The following FAM135B variants were observed in gnomAD, a reference collection of about 807,000 sequenced individuals.
FAM135B encodes the protein protein FAM135B.
Under a neutral mutation model 127.7 loss-of-function variants are expected in FAM135B, and 43 were observed. The ratio of observed to expected loss-of-function variants is 0.34; its 90% CI spans 0.26 to 0.43. The LOEUF (loss-of-function observed/expected upper bound fraction) is 0.43. FAM135B is among the 20% of genes least tolerant of loss of function. The pLI, the probability that FAM135B is intolerant of heterozygous loss-of-function variation, is 1.00. For missense variants in FAM135B, 1,558 were observed against 1,725.6 expected (o/e 0.90, Z 1.72); for synonymous variants, 670 against 665.1 (o/e 1.01, Z -0.11).
intron 2 of FAM135B, chr8:138,358,635 T>A (rs1830230551): frequency 6.6e-6 from 1 of 152,174 alleles, no homozygotes; most frequent in African/African-American, 2.4e-5. Flanking sequence ...AATAATAGAA[T>A]AAATGAAATT....
At chr8:138,367,340 C>T (rs775250001) in intron 2 of FAM135B, 8 of 454,748 alleles carry the variant, frequency 1.8e-5, no homozygotes, top group Non-Finnish European at 3.5e-5. Context: ...TACAATGAGC[C>T]TTGGAGGTAA....
chr8:138,436,611 G>A (rs1333725035), intron 1 of FAM135B, among the ~76,000 whole-genome samples: 2 of 152,144 alleles, frequency 1.3e-5, no homozygotes, highest in Admixed American at 6.6e-5. Context: ...ATGTGTTCAC[G>A]TTGAACAGAA....
Position 138,495,812 on chromosome 8 carries a change from C to T in FAM135B, c.-20+859G>A, listed in dbSNP as rs1815369488. ...TCGGCTTTGACACATCACTTAACAT[C>T]AAGAGCATCATAACCTGATGGAAAA... On this transcript the variant is annotated intron_variant, in intron 1 of 19. Coordinates refer to ENST00000395297, the MANE Select transcript of FAM135B (RefSeq NM_015912.4). 1.3e-5 allele frequency among the ~76,000 whole-genome samples: 2 copies of T among 152,160 alleles called. 1 individual carries two copies. The highest frequency in any genetic ancestry group is 4.1e-4 in the South Asian group (2 of 4,822).
At chr8:138,162,010 A>G (rs954089427) in intron 12 of FAM135B, among the ~76,000 whole-genome samples, 29 of 152,174 alleles carry the variant, frequency 1.9e-4, no homozygotes, top group Admixed American at 1.1e-3. Context: ...TAATAAGCTC[A>G]TTATTGTTTG....
At chr8:138,239,658 C>G (rs1418349934) in intron 7 of FAM135B, among the ~76,000 whole-genome samples, 2 of 152,116 alleles carry the variant, frequency 1.3e-5, no homozygotes, top group African/African-American at 2.4e-5. Flanking sequence ...GGTATATACC[C>G]AAAGGATTAT....
intron 1 of FAM135B, among the ~76,000 whole-genome samples, chr8:138,442,041 C>T (rs1250400191): frequency 6.6e-6 from 1 of 151,370 alleles, no homozygotes; most frequent in African/African-American, 2.4e-5. Context: ...TTCTGTAAGT[C>T]CTTATGCAGC....
intron 2 of FAM135B, among the ~76,000 whole-genome samples, chr8:138,326,165 G>C (rs1827787404): frequency 6.6e-6 from 1 of 152,152 alleles, no homozygotes; most frequent in Non-Finnish European, 1.5e-5. Flanking sequence ...TGGACCTGTT[G>C]TTCCTATCTA....
intron 7 of FAM135B, among the ~76,000 whole-genome samples, chr8:138,226,166 T>TGTGC (rs1162927537): frequency 7.0e-6 from 1 of 142,598 alleles, no homozygotes; most frequent in East Asian, 2.3e-4. Flanking sequence ...TGTGTGTGTG[T>TGTGC]GTGTGTGTGT....
intron 7 of FAM135B, among the ~76,000 whole-genome samples, chr8:138,212,977 T>G (rs1818258680): frequency 6.6e-6 from 1 of 152,230 alleles, no homozygotes; most frequent in Non-Finnish European, 1.5e-5. Flanking sequence ...TGTGTACACG[T>G]TTCTTAAAAA....
chr8:138,339,011 C>CA (rs1424216361), intron 2 of FAM135B, among the ~76,000 whole-genome samples: 1 of 147,816 alleles, frequency 6.8e-6, no homozygotes, highest in African/African-American at 2.5e-5. Context: ...ATCGCAAGGA[C>CA]AAAAAACCAA....
intron 3 of FAM135B, among the ~76,000 whole-genome samples, chr8:138,266,777 TACAC>T (rs754336924): frequency 0.035 from 257 of 7,448 alleles, 1 homozygote; most frequent in African/African-American, 0.1. Flanking sequence ...TACATATATA[TACAC>T]ACACACACAC....
chr8:138,153,198 T>C lies in FAM135B; in HGVS notation c.1277A>G (p.Tyr426Cys). 2 of 1,574,818 alleles carry C rather than the reference T, an allele frequency of 1.3e-6. No homozygotes were observed. The highest frequency in any genetic ancestry group is 1.2e-5 in the South Asian group (1 of 85,322). The change falls in exon 13 of 20, where the codon TAT becomes TGT. Residue 426 changes from tyrosine (Y) to cysteine (C), a missense_variant. Coordinates refer to ENST00000395297, the MANE Select transcript of FAM135B (RefSeq NM_015912.4). ...TGTCACTGGAACATCAAAATTAGGA[T>C]AAACACTCAAGTTATGCCCTACAAA... ...CPATGHNLSV[Y>C]PNFDVPVTSP...
chr8:138,297,605 A>T (rs1451963161), intron 3 of FAM135B, among the ~76,000 whole-genome samples: 7 of 152,168 alleles, frequency 4.6e-5, no homozygotes, highest in African/African-American at 1.4e-4. Context: ...TGTCTGAAAG[A>T]CCCCTAAAAG....
At chr8:138,482,298 G>T (rs114005287) in intron 1 of FAM135B, among the ~76,000 whole-genome samples, 1 of 151,990 alleles carries the variant, frequency 6.6e-6, no homozygotes, top group East Asian at 1.9e-4. Context: ...GTTGAAGTAC[G>T]TGGCCACGAG....
At chr8:138,275,126 T>C (rs1258873666) in intron 3 of FAM135B, among the ~76,000 whole-genome samples, 3 of 152,108 alleles carry the variant, frequency 2.0e-5, no homozygotes, top group African/African-American at 7.2e-5. Flanking sequence ...CATAAGAAAT[T>C]ATAAAAGTAT....
chr8:138,334,699 C>T, intron 2 of FAM135B, among the ~76,000 whole-genome samples: 1 of 152,148 alleles, frequency 6.6e-6, no homozygotes, highest in East Asian at 1.9e-4. Context: ...CAGCTCCATC[C>T]ATGTCCCTGC....
At chr8:138,405,178 T>A (rs928467847) in intron 1 of FAM135B, among the ~76,000 whole-genome samples, 2 of 152,078 alleles carry the variant, frequency 1.3e-5, no homozygotes, top group Non-Finnish European at 2.9e-5. Flanking sequence ...GGTGAACAGG[T>A]GCATTTTCAA....
intron 1 of FAM135B, among the ~76,000 whole-genome samples, chr8:138,379,163 G>T (rs552976268): frequency 1.5e-4 from 23 of 152,094 alleles, no homozygotes; most frequent in Non-Finnish European, 2.5e-4. Flanking sequence ...ACAACAAGGA[G>T]CATACTGTCT....
At chr8:138,270,551 C>A (rs146029580) in intron 3 of FAM135B, among the ~76,000 whole-genome samples, 59 of 152,322 alleles carry the variant, frequency 3.9e-4, no homozygotes, top group African/African-American at 1.3e-3. Context: ...ATAGCACAGA[C>A]TAAGTAATTC....
Sources: allele counts gnomAD v4.1 joint callset (sites outside exome capture counted in the v4.1 genomes callset), GRCh38; gene constraint gnomAD v4.1.1; transcripts MANE v1.5; gene names NCBI Gene and HGNC (gene_info 2026-07-23, HGNC 2026-07-21).